The following DLG2 variants were observed in gnomAD, a reference collection of about 807,000 sequenced individuals.
DLG2 encodes discs large MAGUK scaffold protein 2.
In DLG2, 45 loss-of-function variants were observed where a neutral mutation model predicts 132.5. The ratio of observed to expected loss-of-function variants is 0.34; its 90% CI spans 0.27 to 0.44. The LOEUF is 0.44. Among genes scored for constraint, DLG2 ranks in the 20% least tolerant of loss-of-function variants. The pLI is 1.00. For missense variants in DLG2, 1,045 were observed against 1,196.9 expected, an observed-to-expected ratio of 0.87 and a Z score of 1.87; for synonymous variants, 424 against 419.6, an observed-to-expected ratio of 1.01 and a Z score of -0.13.
At chr11:83,762,657 T>C (rs1039476075) in intron 18 of DLG2, among the ~76,000 whole-genome samples, 2 of 151,942 alleles carry the variant, frequency 1.3e-5, no homozygotes, top group African/African-American at 4.8e-5. Context: ...CTCGGCTCAC[T>C]GCAAGCTCCG....
intron 6 of DLG2, among the ~76,000 whole-genome samples, chr11:84,960,343 A>C (rs944673631): frequency 1.3e-5 from 2 of 152,220 alleles, no homozygotes; most frequent in African/African-American, 4.8e-5. Context: ...TTTCTCCTCC[A>C]CACAGAAATA....
chr11:83,469,250 T>C lies in DLG2; in HGVS notation c.2570A>G (p.Asp857Gly), dbSNP rs1283976760. 3.7e-6 allele frequency: 6 copies of C among 1,613,558 alleles called. No individual in the cohort carries two copies. The highest frequency in any genetic ancestry group is 2.7e-5 in the African/African-American group (2 of 74,900). ...CTGCACACTGGTTCCATATAAATTGTCATTGTACTGGCCGGCTTCTATAAA... is the reference window on the plus strand; with the variant it reads ...CTGCACACTGGTTCCATATAAATTGCCATTGTACTGGCCGGCTTCTATAAA... ...HKFIEAGQYN[D>G]NLYGTSVQSV... Residue 857 changes from aspartate to glycine, a missense_variant, in exon 25 of 28, where the codon GAC (aspartate) becomes GGC (glycine). Coordinates refer to ENST00000376104, the MANE Select transcript of DLG2 (RefSeq NM_001142699.3).
intron 3 of DLG2, among the ~76,000 whole-genome samples, chr11:85,379,598 C>A (rs560761559): frequency 2.0e-5 from 3 of 152,164 alleles, no homozygotes; most frequent in Admixed American, 2.0e-4. Context: ...ATTTGGGTAC[C>A]AATAAAAATG....
chr11:84,223,532 C>T (rs1352637974), intron 8 of DLG2, among the ~76,000 whole-genome samples: 2 of 149,616 alleles, frequency 1.3e-5, no homozygotes, highest in East Asian at 2.0e-4. Flanking sequence ...CTCATAAGAT[C>T]ATTAATTGGG....
At chr11:83,971,703 T>G (rs2091377811) in intron 12 of DLG2, among the ~76,000 whole-genome samples, 1 of 152,090 alleles carries the variant, frequency 6.6e-6, no homozygotes, top group African/African-American at 2.4e-5. Context: ...AAGTTAACTT[T>G]TAAACAGGAA....
chr11:85,365,404 C>G (rs974273321), intron 3 of DLG2, among the ~76,000 whole-genome samples: 2 of 152,150 alleles, frequency 1.3e-5, no homozygotes, highest in African/African-American at 4.8e-5. Context: ...GGGCTGGGAA[C>G]TGCACAGTTG....
rs574379020 is a variant in DLG2 at position 84,599,295 on chromosome 11, G to A, written c.358-64564C>T. Among the ~76,000 whole-genome samples, 16 of 152,200 alleles carry A rather than the reference G, an allele frequency of 1.1e-4. 1 individual carries two copies. Among genetic ancestry groups the A allele is most frequent in the African/African-American group, 3.9e-4 (16 of 41,538 alleles). ...AATCAGATCTCAGGACATTAACTGA[G>A]CCTTGTTTTACGAGGGACTATGAAA... On this transcript the variant is annotated intron_variant, in intron 6 of 27. Coordinates refer to ENST00000376104, the MANE Select transcript of DLG2 (RefSeq NM_001142699.3).
intron 18 of DLG2, among the ~76,000 whole-genome samples, chr11:83,713,840 G>A (rs568906316): frequency 6.6e-6 from 1 of 152,300 alleles, no homozygotes; most frequent in African/African-American, 2.4e-5. Context: ...ACTGTTTTCT[G>A]ACTGAGGCAT....
intron 6 of DLG2, among the ~76,000 whole-genome samples, chr11:84,558,738 C>T (rs139669688): frequency 1.3e-5 from 2 of 152,272 alleles, no homozygotes; most frequent in East Asian, 3.9e-4. Context: ...TCCACCTACG[C>T]CAAATTCCGT....
chr11:85,134,220 G>A (rs976075345), intron 5 of DLG2, among the ~76,000 whole-genome samples: 9 of 151,252 alleles, frequency 6.0e-5, no homozygotes, highest in African/African-American at 2.2e-4. Flanking sequence ...GATACTGGCA[G>A]GACCATTTCC....
At chr11:84,356,404 A>G (rs570599631) in intron 7 of DLG2, among the ~76,000 whole-genome samples, 8 of 152,234 alleles carry the variant, frequency 5.3e-5, no homozygotes, top group African/African-American at 1.9e-4. Context: ...AAGAACCTGT[A>G]TAAGACAATC....
At chr11:83,588,450 A>C (rs574794905) in intron 19 of DLG2, among the ~76,000 whole-genome samples, 6 of 152,294 alleles carry the variant, frequency 3.9e-5, no homozygotes, top group Non-Finnish European at 4.4e-5. Flanking sequence ...AAACTAACAA[A>C]CAGAAAGGAC....
chr11:85,333,778 C>A (rs545263509), intron 3 of DLG2, among the ~76,000 whole-genome samples: 138 of 152,244 alleles, frequency 9.1e-4, no homozygotes, highest in African/African-American at 3.2e-3. Context: ...GGGATAAAGC[C>A]TACCTGATTG....
intron 7 of DLG2, among the ~76,000 whole-genome samples, chr11:84,517,763 G>T (rs559255294): frequency 6.6e-6 from 1 of 151,914 alleles, no homozygotes; most frequent in African/African-American, 2.4e-5. Context: ...GTTCATCAAT[G>T]GATGAACGGA....
intron 18 of DLG2, 83 bp downstream of exon 18, chr11:83,786,607 T>C (rs1040659994): frequency 5.7e-6 from 7 of 1,226,300 alleles, no homozygotes; most frequent in South Asian, 1.3e-5. Flanking sequence ...ATGGTGACTC[T>C]AGTTAATAAA....
At chr11:84,670,227 T>C (rs1438626045) in intron 6 of DLG2, among the ~76,000 whole-genome samples, 1 of 152,120 alleles carries the variant, frequency 6.6e-6, no homozygotes, top group East Asian at 1.9e-4. Flanking sequence ...CTCACTGTAT[T>C]TCTCATTAAC....
At chr11:84,033,208 C>A (rs1351525935) in intron 11 of DLG2, among the ~76,000 whole-genome samples, 5 of 152,142 alleles carry the variant, frequency 3.3e-5, no homozygotes, top group Admixed American at 3.3e-4. Flanking sequence ...TCTGATGCAT[C>A]TGAGTAAAGT....
chr11:83,963,135 G>C, intron 13 of DLG2, 112 bp from the exon 14 acceptor site: 1 of 1,194,260 alleles, frequency 8.4e-7, no homozygotes, highest in Non-Finnish European at 1.2e-6. Context: ...TGCATGCCAA[G>C]GTTTTTCTTG....
At chr11:84,063,915 A>C (rs550440674) in intron 10 of DLG2, among the ~76,000 whole-genome samples, 1 of 150,066 alleles carries the variant, frequency 6.7e-6, no homozygotes, top group Admixed American at 6.7e-5. Context: ...TTGAACAATG[A>C]GAACACATGG....
Sources: gnomAD v4.1 joint callset for allele counts (sites outside exome capture counted in the v4.1 genomes callset) on GRCh38, gnomAD v4.1.1 for gene constraint, MANE v1.5 for transcripts, NCBI Gene and HGNC (gene_info 2026-07-23, HGNC 2026-07-21) for gene names.